Variants in PRIM2 observed in about 807,000 individuals in gnomAD.
The protein encoded by PRIM2 is DNA primase subunit 2.
Under a neutral mutation model 67.3 loss-of-function variants are expected in PRIM2, and 39 were observed. The observed-to-expected ratio is 0.58, with a 90% CI of 0.45 to 0.76. PRIM2 has a LOEUF of 0.76. Among genes scored for constraint, PRIM2 ranks in the 30% least tolerant of loss-of-function variants. PRIM2 has a pLI of 0.00. For missense variants in PRIM2, 398 were observed against 598.7 expected, an observed-to-expected ratio of 0.66 and a Z score of 3.50; for synonymous variants, 143 against 198.7, an observed-to-expected ratio of 0.72 and a Z score of 2.36.
the PRIM2 span, among the ~76,000 whole-genome samples, chr6:57,286,302 C>T: frequency 6.6e-6 from 1 of 152,156 alleles, no homozygotes; most frequent in Non-Finnish European, 1.5e-5. Flanking sequence ...ATAGCCAAGA[C>T]AATGCTAAGC....
intron 7 of PRIM2, among the ~76,000 whole-genome samples, chr6:57,451,650 G>T (rs997625610): frequency 2.0e-5 from 3 of 152,062 alleles, no homozygotes; most frequent in African/African-American, 7.2e-5. Flanking sequence ...AGCAGTGAAG[G>T]CAGTGCTAGA....
chr6:57,304,996 A>G, the PRIM2 span, among the ~76,000 whole-genome samples: 1 of 150,934 alleles, frequency 6.6e-6, no homozygotes, highest in South Asian at 2.1e-4. Flanking sequence ...TCTGTACTCA[A>G]GATAGCTCTC....
intron 7 of PRIM2, among the ~76,000 whole-genome samples, chr6:57,429,470 G>C (rs1194188541): frequency 6.6e-6 from 1 of 152,186 alleles, no homozygotes; most frequent in Non-Finnish European, 1.5e-5. Context: ...TCAAGGCCCA[G>C]TCAGAAAGAG....
chr6:57,639,071 A>G, intron 13 of PRIM2, among the ~76,000 whole-genome samples: 1 of 152,372 alleles, frequency 6.6e-6, no homozygotes, highest in Admixed American at 6.5e-5. Context: ...CCACAGTGCA[A>G]TCAAATTAGA....
intron 7 of PRIM2, among the ~76,000 whole-genome samples, chr6:57,467,776 A>AT (rs1349928174): frequency 1.3e-4 from 20 of 151,942 alleles, no homozygotes; most frequent in African/African-American, 4.3e-4. Context: ...ATGTTTTTCC[A>AT]TTTTTTTTGT....
the PRIM2 span, among the ~76,000 whole-genome samples, chr6:57,230,716 A>G: frequency 1.3e-5 from 2 of 152,208 alleles, no homozygotes; most frequent in Admixed American, 1.3e-4. Flanking sequence ...ACAGTTTGGA[A>G]AACTTAGGCA....
the PRIM2 span, among the ~76,000 whole-genome samples, chr6:57,260,399 G>A: frequency 3.3e-5 from 5 of 152,162 alleles, no homozygotes; most frequent in African/African-American, 1.2e-4. Flanking sequence ...CAAATGCATG[G>A]TGGGGGTTTG....
intron 8 of PRIM2, among the ~76,000 whole-genome samples, chr6:57,510,014 A>G (rs1385820137): frequency 1.3e-5 from 2 of 151,832 alleles, no homozygotes; most frequent in Non-Finnish European, 2.9e-5. Flanking sequence ...CTCTTCTGAT[A>G]AGTTTTCCCT....
the PRIM2 span, among the ~76,000 whole-genome samples, chr6:57,300,065 T>C: frequency 6.6e-6 from 1 of 152,204 alleles, no homozygotes; most frequent in South Asian, 2.1e-4. Flanking sequence ...GTTTACTCTA[T>C]ACATCTATAT....
At chr6:57,551,126 A>G (rs1316546725) in intron 10 of PRIM2, among the ~76,000 whole-genome samples, 3 of 152,206 alleles carry the variant, frequency 2.0e-5, no homozygotes, top group African/African-American at 4.8e-5. Flanking sequence ...TTTTATTTAA[A>G]AAATAACCAG....
At chr6:57,367,239 GTTAA>G (rs1769390654) in intron 5 of PRIM2, among the ~76,000 whole-genome samples, 1 of 152,056 alleles carries the variant, frequency 6.6e-6, no homozygotes, top group Admixed American at 6.5e-5. Context: ...ATCAATTTTA[GTTAA>G]TTAATTCAGC....
chr6:57,252,292 G>A, the PRIM2 span, among the ~76,000 whole-genome samples: 3 of 152,122 alleles, frequency 2.0e-5, no homozygotes, highest in East Asian at 1.9e-4. Context: ...ATTGAGGCTC[G>A]CTATGTACTG....
At chr6:57,455,996 C>G (rs1391267700) in intron 7 of PRIM2, among the ~76,000 whole-genome samples, 28 of 152,112 alleles carry the variant, frequency 1.8e-4, no homozygotes, top group Non-Finnish European at 3.7e-4. Flanking sequence ...GACAAAATCT[C>G]TCAGCATTTG....
intron 10 of PRIM2, among the ~76,000 whole-genome samples, chr6:57,559,477 G>A (rs1362017984): frequency 3.3e-5 from 5 of 152,124 alleles, no homozygotes; most frequent in African/African-American, 1.2e-4. Context: ...TCAGGTCAAG[G>A]TTCCATCTGA....
At chr6:57,641,132 A>T (rs1417751358) in intron 13 of PRIM2, among the ~76,000 whole-genome samples, 15 of 152,098 alleles carry the variant, frequency 9.9e-5, no homozygotes, top group African/African-American at 3.4e-4. Flanking sequence ...AAAACAATCA[A>T]TGGGGAAAAG....
chr6:57,402,314 G>A (rs1481701509), intron 7 of PRIM2, among the ~76,000 whole-genome samples: 1 of 152,162 alleles, frequency 6.6e-6, no homozygotes, highest in South Asian at 2.1e-4. Flanking sequence ...TTGGTGGCTG[G>A]AGACCCCACA....
At chr6:57,239,030 G>A in the PRIM2 span, among the ~76,000 whole-genome samples, 48 of 150,684 alleles carry the variant, frequency 3.2e-4, no homozygotes, top group Middle Eastern at 6.8e-3. Flanking sequence ...TCACTCTGTC[G>A]TCCAGGCTGG....
At chr6:57,423,835 G>A (rs1228210087) in intron 7 of PRIM2, among the ~76,000 whole-genome samples, 4 of 152,244 alleles carry the variant, frequency 2.6e-5, no homozygotes, top group African/African-American at 4.8e-5. Flanking sequence ...CCTTGAGGCA[G>A]TGAATTGCCC....
rs1240793397 is a variant in PRIM2, at chr6:57,598,624, C to T, written c.1021-2469C>T. Among the ~76,000 whole-genome samples the T allele has an allele frequency of 3.4e-3, 521 of 152,184 alleles. 2 individuals carry two copies. Among genetic ancestry groups the T allele is most frequent in the Non-Finnish European group, 5.4e-3 (367 of 68,016 alleles). On this transcript the variant is annotated intron_variant, in intron 10 of 13. Coordinates refer to ENST00000615550, the MANE Select transcript of PRIM2 (RefSeq NM_000947.5). ...ACCAAGGGCCCGGCATAGTGGCTCA[C>T]ATCTGCAATCCCAGGGCTTTAGGAG...
Sources: allele counts gnomAD v4.1 joint callset (sites outside exome capture counted in the v4.1 genomes callset), GRCh38; gene constraint gnomAD v4.1.1; transcripts MANE v1.5; gene names NCBI Gene and HGNC (gene_info 2026-07-23, HGNC 2026-07-21).